EXOC4: variants seen among roughly 807,000 people sequenced by gnomAD.
EXOC4 encodes SEC8-like 1.
A neutral mutation model predicts 107.2 loss-of-function variants in EXOC4; 71 were observed. The ratio of observed to expected loss-of-function variants is 0.66; its 90% confidence interval spans 0.55 to 0.81. The LOEUF (loss-of-function observed/expected upper bound fraction) is 0.81. Among genes scored for constraint, EXOC4 ranks in the 30% least tolerant of loss-of-function variants. The probability of loss-of-function intolerance (pLI) is 0.00; values close to 1 mark genes in which losing one functional copy is unlikely to be tolerated. For synonymous variants in EXOC4, 456 were observed against 441.2 expected (o/e 1.03, Z -0.42); for missense variants, 1,108 against 1,189.6 (o/e 0.93, Z 1.01).
At chr7:133,288,054 CTG>C (rs1794321464) in intron 2 of EXOC4, among the ~76,000 whole-genome samples, 1 of 152,044 alleles carries the variant, frequency 6.6e-6, no homozygotes, top group African/African-American at 2.4e-5. Flanking sequence ...AGAAACAAAA[CTG>C]TAAAGAAATA....
At chr7:133,532,184 T>C (rs1227173858) in intron 9 of EXOC4, among the ~76,000 whole-genome samples, 1 of 152,114 alleles carries the variant, frequency 6.6e-6, no homozygotes, top group Admixed American at 6.6e-5. Flanking sequence ...ACCCAATACT[T>C]ACTATTTCTA....
chr7:133,830,873 C>T (rs191144510), intron 11 of EXOC4, among the ~76,000 whole-genome samples: 2 of 152,198 alleles, frequency 1.3e-5, no homozygotes, highest in African/African-American at 4.8e-5. Context: ...TTCGGGATAC[C>T]ACAATACATT....
Position 133,396,176 on chromosome 7 carries a change from A to G in EXOC4, c.1182+21174A>G, listed in dbSNP as rs1005724546. 3.3e-5 allele frequency: 5 copies of G among 152,204 alleles called. No individual in the cohort carries two copies. In the East Asian group the frequency reaches 9.6e-4, roughly 29 times the overall value. 9.4% of individuals were successfully genotyped at this position (152,204 alleles called of 1,614,324 possible). On this transcript the variant is annotated intron_variant, in intron 7 of 17. Transcript: ENST00000253861. ...GGATGGAGCTCTGCAGTCTGTGTTT[A>G]GTAAGCCCTCCTGGTTTTTCTGATA... is the stretch of plus-strand genomic sequence containing the variant.
intron 9 of EXOC4, among the ~76,000 whole-genome samples, chr7:133,593,299 GT>G (rs2150980182): frequency 6.6e-6 from 1 of 152,322 alleles, no homozygotes; most frequent in African/African-American, 2.4e-5. Flanking sequence ...CTGCTTCCTT[GT>G]TTTGGTTGTG....
intron 9 of EXOC4, among the ~76,000 whole-genome samples, chr7:133,604,438 G>A (rs1235514468): frequency 6.6e-6 from 1 of 152,082 alleles, no homozygotes; most frequent in African/African-American, 2.4e-5. Context: ...TGTAAGTATT[G>A]CATTGCATTG....
At chr7:133,944,372 A>G (rs1800502137) in intron 14 of EXOC4, among the ~76,000 whole-genome samples, 1 of 152,160 alleles carries the variant, frequency 6.6e-6, no homozygotes, top group African/African-American at 2.4e-5. Flanking sequence ...GGGTATTTGT[A>G]GAATCTTCTT....
chr7:134,026,881 G>T (rs1795149325), intron 17 of EXOC4, among the ~76,000 whole-genome samples: 1 of 152,182 alleles, frequency 6.6e-6, no homozygotes, highest in African/African-American at 2.4e-5. Flanking sequence ...GAAGGTTACA[G>T]AGTATAATTT....
At chr7:133,441,459 C>T (rs1038677762) in intron 7 of EXOC4, among the ~76,000 whole-genome samples, 6 of 152,116 alleles carry the variant, frequency 3.9e-5, no homozygotes, top group African/African-American at 9.7e-5. Flanking sequence ...GGTGCAGTCT[C>T]GGCTTACTGC....
chr7:133,750,586 C>CTTT (rs60903415), intron 10 of EXOC4, among the ~76,000 whole-genome samples: 2 of 144,902 alleles, frequency 1.4e-5, no homozygotes, highest in African/African-American at 2.5e-5. Context: ...TGTTTTTAAC[C>CTTT]TTTTTTTTTT....
chr7:133,687,394 AC>A (rs1794329206), intron 10 of EXOC4, among the ~76,000 whole-genome samples: 1 of 151,972 alleles, frequency 6.6e-6, no homozygotes, highest in Non-Finnish European at 1.5e-5. Context: ...TTCCCTAAAA[AC>A]CTATGGAAAT....
intron 10 of EXOC4, among the ~76,000 whole-genome samples, chr7:133,650,052 A>G (rs1803101849): frequency 6.6e-6 from 1 of 152,108 alleles, no homozygotes; most frequent in Non-Finnish European, 1.5e-5. Flanking sequence ...ACTACTCAAA[A>G]CAGACTTGGT....
intron 9 of EXOC4, among the ~76,000 whole-genome samples, chr7:133,532,024 A>AAT (rs1202504467): frequency 6.6e-6 from 1 of 152,074 alleles, no homozygotes; most frequent in African/African-American, 2.4e-5. Flanking sequence ...AATTTTATAC[A>AAT]ATATTTTAAA....
chr7:134,082,223 G>C, the EXOC4 span, among the ~76,000 whole-genome samples: 2 of 152,166 alleles, frequency 1.3e-5, no homozygotes, highest in Non-Finnish European at 2.9e-5. Flanking sequence ...TAAACAACGG[G>C]TAGATTATTC....
At chr7:133,317,523 C>T (rs1180561085) in intron 5 of EXOC4, 133 bp downstream of exon 5, 1 of 626,408 alleles carries the variant, frequency 1.6e-6, no homozygotes, top group African/African-American at 1.8e-5. Context: ...GTGTTGGAAC[C>T]TGTGATGAGC....
chr7:133,962,445 A>C (rs1271618867), intron 14 of EXOC4, among the ~76,000 whole-genome samples: 1 of 151,984 alleles, frequency 6.6e-6, no homozygotes, highest in Non-Finnish European at 1.5e-5. Context: ...CGTAGATGAC[A>C]CTCTCATTAG....
rs55923568 is a variant in EXOC4 at position 133,847,875 on chromosome 7, A to ATTTT, written c.1734+30354_1734+30357dup. 5.5e-4 allele frequency among the ~76,000 whole-genome samples: 47 copies of ATTTT among 85,034 alleles called. 3 individuals are homozygous for ATTTT. The highest frequency in any genetic ancestry group is 1.2e-3 in the African/African-American group (23 of 18,648). 55.8% of individuals were successfully genotyped at this position (85,034 alleles called of 152,430 possible). On this transcript the variant is annotated intron_variant, in intron 11 of 17. Coordinates refer to ENST00000253861, the MANE Select transcript of EXOC4 (RefSeq NM_021807.4). Reference sequence around the variant, plus strand: ...AGGCACCTGCCACCATGCCCAGCTAATTTTTTTTTTTTTTTTTTTTTTTTT... The same window carrying ATTTT: ...AGGCACCTGCCACCATGCCCAGCTAATTTTTTTTTTTTTTTTTTTTTTTTTTTTT...
chr7:133,814,082 A>G (rs1300049282), intron 10 of EXOC4, among the ~76,000 whole-genome samples: 1 of 152,194 alleles, frequency 6.6e-6, no homozygotes, highest in Non-Finnish European at 1.5e-5. Context: ...GTTTTTAACA[A>G]TCAAATGATT....
At chr7:133,262,110 AG>A in intron 1 of EXOC4, among the ~76,000 whole-genome samples, 1 of 152,240 alleles carries the variant, frequency 6.6e-6, no homozygotes, top group Non-Finnish European at 1.5e-5. Flanking sequence ...GGCCTAAAGT[AG>A]AAGTCCATCA....
At chr7:133,671,081 C>T (rs1180028562) in intron 10 of EXOC4, among the ~76,000 whole-genome samples, 2 of 152,112 alleles carry the variant, frequency 1.3e-5, no homozygotes, top group African/African-American at 4.8e-5. Flanking sequence ...AGCCCTGAGA[C>T]CCGTATACCT....
Sources: allele counts gnomAD v4.1 joint callset (sites outside exome capture counted in the v4.1 genomes callset), GRCh38; gene constraint gnomAD v4.1.1; transcripts MANE v1.5; gene names NCBI Gene and HGNC (gene_info 2026-07-23, HGNC 2026-07-21).